UNC5C: variants seen among roughly 807,000 people sequenced by gnomAD.
The protein encoded by UNC5C is unc-5 netrin receptor C.
A neutral mutation model predicts 99.8 loss-of-function variants in UNC5C; 47 were observed. The ratio of observed to expected loss-of-function variants is 0.47; its 90% CI spans 0.37 to 0.60. The LOEUF (loss-of-function observed/expected upper bound fraction) is 0.60. UNC5C is among the 20% of genes least tolerant of loss of function. The probability of loss-of-function intolerance (pLI) is 0.00; values close to 1 mark genes in which losing one functional copy is unlikely to be tolerated. For missense variants in UNC5C, 1,062 were observed against 1,165.9 expected (o/e 0.91, Z 1.30); for synonymous variants, 487 against 452.2 (o/e 1.08, Z -0.98).
chr4:95,192,897 C>A (rs910204989), intron 12 of UNC5C, among the ~76,000 whole-genome samples: 1 of 152,192 alleles, frequency 6.6e-6, no homozygotes, highest in African/African-American at 2.4e-5. Flanking sequence ...TAGCTTCTTT[C>A]TCTCCCTCTC....
intron 1 of UNC5C, among the ~76,000 whole-genome samples, chr4:95,487,703 T>A (rs746422440): frequency 6.6e-6 from 1 of 151,678 alleles, no homozygotes; most frequent in Non-Finnish European, 1.5e-5. Flanking sequence ...ATAAATAGAA[T>A]CTAAATTTGG....
At chr4:95,343,184 C>A (rs984398283) in intron 1 of UNC5C, among the ~76,000 whole-genome samples, 1 of 152,042 alleles carries the variant, frequency 6.6e-6, no homozygotes, top group Non-Finnish European at 1.5e-5. Context: ...CAGGCAGTGG[C>A]TACCATGGGC....
chr4:95,291,610 C>T (rs1376164007), intron 3 of UNC5C, among the ~76,000 whole-genome samples: 1 of 152,068 alleles, frequency 6.6e-6, no homozygotes, highest in South Asian at 2.1e-4. Flanking sequence ...ATCCATGAAA[C>T]TTGGGAACTT....
At chr4:95,425,660 T>C (rs1439660579) in intron 1 of UNC5C, among the ~76,000 whole-genome samples, 1 of 152,254 alleles carries the variant, frequency 6.6e-6, no homozygotes, top group Non-Finnish European at 1.5e-5. Flanking sequence ...ACTTGTTTTT[T>C]TATATTCATT....
At chr4:95,436,132 C>T (rs562904574) in intron 1 of UNC5C, among the ~76,000 whole-genome samples, 39 of 151,320 alleles carry the variant, frequency 2.6e-4, no homozygotes, top group Admixed American at 5.3e-4. Flanking sequence ...ACAGATTACC[C>T]ATTTTCAGAG....
intron 2 of UNC5C, among the ~76,000 whole-genome samples, chr4:95,317,994 C>T (rs1742541680): frequency 6.6e-6 from 1 of 152,048 alleles, no homozygotes; most frequent in Non-Finnish European, 1.5e-5. Flanking sequence ...ACCTGTGAAT[C>T]TTACTTTGTT....
intron 1 of UNC5C, among the ~76,000 whole-genome samples, chr4:95,395,727 C>A (rs1213386699): frequency 6.6e-6 from 1 of 152,178 alleles, no homozygotes; most frequent in East Asian, 1.9e-4. Context: ...TCACAAAGAT[C>A]CACTATTTCT....
Position 95,323,353 on chromosome 4 carries a change from T to C in UNC5C, c.346+12057A>G, listed in dbSNP as rs528908494. Among the ~76,000 whole-genome samples the C allele has an allele frequency of 6.1e-3, 922 of 152,316 alleles. 5 individuals carry two copies. Among genetic ancestry groups the C allele is most frequent in the African/African-American group, 0.021 (868 of 41,574 alleles). On this transcript the variant is annotated intron_variant, in intron 2 of 15. Coordinates refer to ENST00000453304, the MANE Select transcript of UNC5C (RefSeq NM_003728.4). ...ACTGAAGAGGGGAGAGATGTGATAA[T>C]TGTCTTTTTCAAGTTATCTAAGACT... is the stretch of plus-strand genomic sequence containing the variant.
At chr4:95,352,412 C>A (rs10516966) in intron 1 of UNC5C, among the ~76,000 whole-genome samples, 1 of 152,094 alleles carries the variant, frequency 6.6e-6, no homozygotes, top group Non-Finnish European at 1.5e-5. Flanking sequence ...GATTCTTGAC[C>A]ATTGTATCTC....
intron 4 of UNC5C, among the ~76,000 whole-genome samples, chr4:95,254,981 T>A (rs1739900675): frequency 6.6e-6 from 1 of 151,912 alleles, no homozygotes. Context: ...ACAACACCAC[T>A]GTGTGTTGTT....
intron 1 of UNC5C, among the ~76,000 whole-genome samples, chr4:95,422,256 A>G (rs1244543674): frequency 5.9e-5 from 9 of 152,208 alleles, no homozygotes. Context: ...GGTCTCAATT[A>G]GCAATTCTAT....
chr4:95,275,270 G>A (rs890052811), intron 4 of UNC5C, among the ~76,000 whole-genome samples: 1 of 152,158 alleles, frequency 6.6e-6, no homozygotes, highest in Non-Finnish European at 1.5e-5. Context: ...GTGCCAAGAA[G>A]AGGGGCAAGG....
chr4:95,188,467 C>T (rs964855643), intron 12 of UNC5C, among the ~76,000 whole-genome samples: 1 of 152,174 alleles, frequency 6.6e-6, no homozygotes, highest in African/African-American at 2.4e-5. Context: ...CGGCGAATCT[C>T]AAATAGAGTT....
intron 2 of UNC5C, among the ~76,000 whole-genome samples, chr4:95,315,710 C>A (rs1243260586): frequency 2.0e-5 from 3 of 152,068 alleles, no homozygotes; most frequent in Non-Finnish European, 4.4e-5. Flanking sequence ...TAATATTTTG[C>A]AATGATACTA....
At position 95,308,651 on chromosome 4, in the gene UNC5C, G is replaced by T. The variant is rs555299417; in HGVS notation, c.347-6902C>A. 4.0e-5 allele frequency among the ~76,000 whole-genome samples: 6 copies of T among 150,006 alleles called. No individual in the cohort carries two copies. In the South Asian group the frequency reaches 1.3e-3, roughly 32 times the overall value. On this transcript the variant is annotated intron_variant, in intron 2 of 15. Transcript: ENST00000453304. Reference sequence around the variant, plus strand: ...CCCTGTAATCCCAGCTGCTTGGGAGGCTGAGGCAGAGAATTGCTTGAACCT... The same window carrying T: ...CCCTGTAATCCCAGCTGCTTGGGAGTCTGAGGCAGAGAATTGCTTGAACCT...
intron 1 of UNC5C, among the ~76,000 whole-genome samples, chr4:95,458,067 G>A (rs1747494840): frequency 1.3e-5 from 2 of 152,132 alleles, no homozygotes; most frequent in South Asian, 2.1e-4. Context: ...TAGTGTGTGT[G>A]TACATTTCCT....
rs78605291 is a variant in UNC5C, at chr4:95,539,618, T to C, written c.124+9116A>G. Among the ~76,000 whole-genome samples the C allele has an allele frequency of 1.6e-3, 251 of 152,236 alleles. 5 individuals are homozygous for C. In the East Asian group the frequency reaches 0.042, roughly 25 times the overall value. ...TTGCCAAGTCTGTTTGAAAATGAACTCTTGCTCCTAAAACATAAAAAGCTA... is the reference window on the plus strand; with the variant it reads ...TTGCCAAGTCTGTTTGAAAATGAACCCTTGCTCCTAAAACATAAAAAGCTA... On this transcript the variant is annotated intron_variant, in intron 1 of 15. Coordinates refer to ENST00000453304, the MANE Select transcript of UNC5C (RefSeq NM_003728.4).
chr4:95,181,316 A>G (rs1419774840), intron 14 of UNC5C, among the ~76,000 whole-genome samples: 1 of 152,166 alleles, frequency 6.6e-6, no homozygotes, highest in Non-Finnish European at 1.5e-5. Context: ...TTGTGATCAC[A>G]CTATGCAAAA....
intron 1 of UNC5C, among the ~76,000 whole-genome samples, chr4:95,421,334 A>G (rs1255051985): frequency 6.6e-6 from 1 of 152,192 alleles, no homozygotes; most frequent in East Asian, 1.9e-4. Context: ...GGAGACCCCA[A>G]TAAGCCCACT....
Sources: gnomAD v4.1 joint callset for allele counts (sites outside exome capture counted in the v4.1 genomes callset) on GRCh38, gnomAD v4.1.1 for gene constraint, MANE v1.5 for transcripts, NCBI Gene and HGNC (gene_info 2026-07-23, HGNC 2026-07-21) for gene names.